TMPRSS11F: variants seen among roughly 807,000 people sequenced by gnomAD.
The protein encoded by TMPRSS11F is transmembrane serine protease 11F, also known as transmembrane protease serine 11F.
In TMPRSS11F, 47 loss-of-function variants were observed where a neutral mutation model predicts 60.2. The ratio of observed to expected loss-of-function variants is 0.78; its 90% CI spans 0.62 to 1.00. The LOEUF is 1.00. TMPRSS11F is among the 50% of genes least tolerant of loss of function. TMPRSS11F has a pLI of 0.00. For synonymous variants in TMPRSS11F, 166 were observed against 167.3 expected (o/e 0.99, Z 0.06); for missense variants, 519 against 522.9 (o/e 0.99, Z 0.07).
chr4:68,078,837 A>G (rs997413291), intron 3 of TMPRSS11F, among the ~76,000 whole-genome samples: 5 of 152,068 alleles, frequency 3.3e-5, no homozygotes, highest in African/African-American at 1.2e-4. Context: ...AGCCCATTTT[A>G]TTTCCATCAC....
At chr4:68,061,975 A>T (rs981193020) in intron 8 of TMPRSS11F, 8 of 452,444 alleles carry the variant, frequency 1.8e-5, no homozygotes, top group African/African-American at 1.6e-4. Flanking sequence ...TGCTATAGAG[A>T]GGAACTGAGG....
chr4:68,055,696 A>G (rs1416234094), intron 9 of TMPRSS11F, among the ~76,000 whole-genome samples: 1 of 152,198 alleles, frequency 6.6e-6, no homozygotes, highest in Non-Finnish European at 1.5e-5. Context: ...AAAACTTAAG[A>G]AGGAATACTC....
At chr4:68,066,811 G>T (rs1723338481) in intron 7 of TMPRSS11F, among the ~76,000 whole-genome samples, 1 of 151,720 alleles carries the variant, frequency 6.6e-6, no homozygotes, top group African/African-American at 2.4e-5. Flanking sequence ...GCGGGCGCTT[G>T]TAGTCCCAGC....
chr4:68,124,584 T>C (rs1724680617), intron 1 of TMPRSS11F, among the ~76,000 whole-genome samples: 1 of 152,226 alleles, frequency 6.6e-6, no homozygotes, highest in Admixed American at 6.5e-5. Flanking sequence ...TTGACATCAA[T>C]GTATTGCACT....
chr4:68,087,448 G>A (rs1371084602), intron 3 of TMPRSS11F, among the ~76,000 whole-genome samples: 1 of 152,000 alleles, frequency 6.6e-6, no homozygotes, highest in Non-Finnish European at 1.5e-5. Context: ...TTGAGAACTG[G>A]TACAAAACAA....
intron 3 of TMPRSS11F, among the ~76,000 whole-genome samples, chr4:68,086,914 T>G (rs776217475): frequency 1.3e-5 from 2 of 152,066 alleles, no homozygotes; most frequent in South Asian, 2.1e-4. Context: ...CTGGACCAGA[T>G]GAATTCACAG....
At chr4:68,080,432 C>A (rs1204638056) in intron 3 of TMPRSS11F, 1 of 152,214 alleles carries the variant, frequency 6.6e-6, no homozygotes, top group East Asian at 1.9e-4. Context: ...TGTACCCATA[C>A]CCCAGCTTCG....
At chr4:68,114,455 G>C (rs899187959) in intron 1 of TMPRSS11F, among the ~76,000 whole-genome samples, 30 of 151,980 alleles carry the variant, frequency 2.0e-4, no homozygotes, top group African/African-American at 7.0e-4. Context: ...CAATAAATTT[G>C]CTCATGTAGA....
chr4:68,072,226 A>ATATATATATATATATTATATAT (rs61224244), intron 5 of TMPRSS11F, 97 bp downstream of exon 5: 1 of 79,248 alleles, frequency 1.3e-5, no homozygotes, highest in Admixed American at 1.6e-4. Flanking sequence ...TCTTCCAAAA[A>ATATATATATATATATTATATAT]AAAAATATAT....
chr4:68,118,753 C>A (rs1724572751), intron 1 of TMPRSS11F, among the ~76,000 whole-genome samples: 1 of 151,866 alleles, frequency 6.6e-6, no homozygotes, highest in Non-Finnish European at 1.5e-5. Flanking sequence ...AAAATGGTAA[C>A]AAAAATGAAA....
chr4:68,105,794 T>A (rs1435173632), intron 1 of TMPRSS11F, among the ~76,000 whole-genome samples: 2 of 152,164 alleles, frequency 1.3e-5, no homozygotes, highest in Non-Finnish European at 2.9e-5. Context: ...GTTTCTGAAT[T>A]TCTTGCAAAA....
At chr4:68,118,678 G>A (rs1724571211) in intron 1 of TMPRSS11F, among the ~76,000 whole-genome samples, 1 of 152,076 alleles carries the variant, frequency 6.6e-6, no homozygotes, top group Non-Finnish European at 1.5e-5. Context: ...CATACTCAAG[G>A]AGTTTATAGG....
intron 5 of TMPRSS11F, among the ~76,000 whole-genome samples, chr4:68,070,672 TG>T (rs1295925498): frequency 2.0e-5 from 3 of 152,250 alleles, no homozygotes; most frequent in African/African-American, 7.2e-5. Context: ...GTTTCCCTTC[TG>T]TGACATCTTT....
chr4:68,070,883 A>T (rs1168021335), intron 5 of TMPRSS11F, among the ~76,000 whole-genome samples: 1 of 152,198 alleles, frequency 6.6e-6, no homozygotes, highest in East Asian at 1.9e-4. Flanking sequence ...ATTTAACAAA[A>T]TACATGTATG....
chr4:68,125,617 G>A (rs1383106690), intron 1 of TMPRSS11F, among the ~76,000 whole-genome samples: 2 of 152,100 alleles, frequency 1.3e-5, no homozygotes, highest in Non-Finnish European at 2.9e-5. Flanking sequence ...TACGATCCAA[G>A]GGTATAAAAA....
intron 1 of TMPRSS11F, among the ~76,000 whole-genome samples, chr4:68,102,745 A>G (rs1279444869): frequency 1.3e-5 from 2 of 152,106 alleles, no homozygotes; most frequent in East Asian, 3.9e-4. Flanking sequence ...GGTTGCAAAT[A>G]TTTTTCCCAA....
At chr4:68,112,844 C>T (rs538553828) in intron 1 of TMPRSS11F, among the ~76,000 whole-genome samples, 1 of 152,040 alleles carries the variant, frequency 6.6e-6, no homozygotes, top group Non-Finnish European at 1.5e-5. Context: ...TTTATAATTT[C>T]CTAAAGGGCA....
chr4:68,067,044 T>C (rs570591842), intron 7 of TMPRSS11F, among the ~76,000 whole-genome samples: 1 of 152,194 alleles, frequency 6.6e-6, no homozygotes, highest in Non-Finnish European at 1.5e-5. Flanking sequence ...ATGAAATTAT[T>C]AATATATCAC....
At chr4:68,073,810 C>G in intron 4 of TMPRSS11F, 132 bp downstream of exon 4, 1 of 578,942 alleles carries the variant, frequency 1.7e-6, no homozygotes, top group Non-Finnish European at 3.0e-6. Context: ...AAGTAGGAAA[C>G]CTTGGGCTGC....
Sources: allele counts gnomAD v4.1 joint callset (sites outside exome capture counted in the v4.1 genomes callset), GRCh38; gene constraint gnomAD v4.1.1; transcripts MANE v1.5; gene names NCBI Gene and HGNC (gene_info 2026-07-23, HGNC 2026-07-21).